Variants in RAB8A observed in about 807,000 individuals in gnomAD.
RAB8A encodes ras-related protein Rab-8A.
In RAB8A, 5 loss-of-function variants were observed where a neutral mutation model predicts 29.2. The observed-to-expected ratio is 0.17, with a 90% CI of 0.09 to 0.36. The LOEUF (loss-of-function observed/expected upper bound fraction) is 0.36. Among genes scored for constraint, RAB8A ranks in the 10% least tolerant of loss-of-function variants. The probability of loss-of-function intolerance (pLI) is 1.00; values close to 1 mark genes in which losing one functional copy is unlikely to be tolerated. For missense variants in RAB8A, 171 were observed against 272.2 expected, an observed-to-expected ratio of 0.63 and a Z score of 2.62; for synonymous variants, 108 against 99.9, an observed-to-expected ratio of 1.08 and a Z score of -0.49.
At chr19:16,112,126 G>C in intron 1 of RAB8A, 101 bp downstream of exon 1, 1 of 1,493,182 alleles carries the variant, frequency 6.7e-7, no homozygotes, top group Non-Finnish European at 9.0e-7. Context: ...CGGGCCGAGG[G>C]CGCTGAGAGG....
intron 7 of RAB8A, among the ~76,000 whole-genome samples, chr19:16,131,203 C>T (rs1487891951): frequency 1.3e-5 from 2 of 152,162 alleles, no homozygotes; most frequent in Non-Finnish European, 2.9e-5. Context: ...AGTTCTTCTG[C>T]CTCAGCCTCC....
At chr19:16,121,884 C>T (rs1192471348) in intron 3 of RAB8A, 74 bp downstream of exon 3, 20 of 1,426,212 alleles carry the variant, frequency 1.4e-5, no homozygotes, top group Middle Eastern at 4.2e-4. Context: ...CATTGGTTAC[C>T]GAAGCCTAGA....
intron 3 of RAB8A, chr19:16,124,986 T>C: frequency 4.9e-6 from 1 of 205,424 alleles, no homozygotes; most frequent in South Asian, 8.1e-5. Flanking sequence ...GTTGTGTGGA[T>C]GTCGGGTCAG....
At chr19:16,123,488 T>G (rs575094605) in intron 3 of RAB8A, among the ~76,000 whole-genome samples, 69 of 152,224 alleles carry the variant, frequency 4.5e-4, no homozygotes, top group African/African-American at 1.6e-3. Context: ...ATGCCTGTAA[T>G]CCCAGCTACT....
intron 1 of RAB8A, among the ~76,000 whole-genome samples, chr19:16,117,274 A>G (rs1198872351): frequency 6.6e-6 from 1 of 152,062 alleles, no homozygotes; most frequent in Non-Finnish European, 1.5e-5. Flanking sequence ...AGATCATTTG[A>G]GGTCAGGAGT....
chr19:16,121,820 TTTTG>T lies in RAB8A; in HGVS notation c.246+15_246+18del. 1 of 1,610,766 alleles carries T rather than the reference TTTTG, an allele frequency of 6.2e-7. No homozygotes were observed. On this transcript the variant is annotated intron_variant, in intron 3 of 7. Transcript: ENST00000300935. ...CTACAGGGGTGCAATGGTAGGGACT[TTTTG>T]TTTGGTTGTTTTTATCTGCTTTTTA...
rs1033159185 is a variant in RAB8A at position 16,131,974 on chromosome 19, TG to T, written c.532-236del. Among the ~76,000 whole-genome samples the T allele has an allele frequency of 4.0e-5, 6 of 151,118 alleles. No individual in the cohort carries two copies. The South Asian group carries it at 8.4e-4, about 21-fold the overall frequency. Reference sequence around the variant, plus strand: ...TTTGATGGCTGATTGGTTGGTTGGATGGCTGGAATGGTAATGGATGGATGAC... The same window carrying T: ...TTTGATGGCTGATTGGTTGGTTGGATGCTGGAATGGTAATGGATGGATGAC... On this transcript the variant is annotated intron_variant, in intron 7 of 7. Coordinates refer to ENST00000300935, the MANE Select transcript of RAB8A (RefSeq NM_005370.5).
In RAB8A at chr19:16,127,866, C is replaced by A; in HGVS notation, c.415-160C>A. ...CTGTGAGGCCCTGTGGAGGGGCATT[C>A]ACTATAGAATTGAGGGAGTGATCCA... On this transcript the variant is annotated intron_variant, in intron 5 of 7. Transcript: ENST00000300935. This position sits in a 1 kb window ranked among gnomAD's most constrained non-coding sequence, Gnocchi z 4.8. 1.4e-6 allele frequency: 1 copy of A among 725,990 alleles called. No individual in the cohort carries two copies. Among genetic ancestry groups the A allele is most frequent in the African/African-American group, 1.7e-5 (1 of 57,780 alleles). The allele number at this position is 725,990 out of a possible 1,614,324, so 45.0% of individuals were successfully genotyped here. A position where few individuals can be genotyped will look rare whatever the true frequency, so the allele number is the denominator to read the frequency against.
chr19:16,114,163 G>A (rs1223657450), intron 1 of RAB8A, among the ~76,000 whole-genome samples: 1 of 152,054 alleles, frequency 6.6e-6, no homozygotes, highest in East Asian at 1.9e-4. Context: ...CAGCCACTTG[G>A]GAGGCCAAGG....
intron 2 of RAB8A, among the ~76,000 whole-genome samples, chr19:16,119,626 C>T (rs1300638113): frequency 6.6e-6 from 1 of 151,998 alleles, no homozygotes; most frequent in African/African-American, 2.4e-5. Context: ...ATGGAAGTTT[C>T]TCCACTTCCA....
At chr19:16,112,516 C>T (rs116062293) in intron 1 of RAB8A, 1 of 163,174 alleles carries the variant, frequency 6.1e-6, no homozygotes, top group African/African-American at 2.4e-5. Flanking sequence ...GCCCGTCTGA[C>T]AAGATGAGGA....
intron 1 of RAB8A, among the ~76,000 whole-genome samples, chr19:16,115,279 C>T (rs2144983419): frequency 6.7e-6 from 1 of 149,870 alleles, no homozygotes; most frequent in South Asian, 2.1e-4. Flanking sequence ...CAGAGCAAAA[C>T]TCTGTCTCCA....
At chr19:16,114,329 T>G (rs1008714451) in intron 1 of RAB8A, among the ~76,000 whole-genome samples, 1 of 150,338 alleles carries the variant, frequency 6.7e-6, no homozygotes, top group African/African-American at 2.4e-5. Flanking sequence ...CAGACTGGCT[T>G]GCATTCACTC....
At chr19:16,118,497 G>A (rs1418968238) in intron 2 of RAB8A, among the ~76,000 whole-genome samples, 1 of 152,154 alleles carries the variant, frequency 6.6e-6, no homozygotes, top group Non-Finnish European at 1.5e-5. Flanking sequence ...AGGGCCTACA[G>A]CATCATAGGC....
rs777725095 is a variant in RAB8A, at chr19:16,132,543, C to T, written c.*239C>T. On this transcript the variant is annotated 3_prime_UTR_variant, in exon 8 of 8. Transcript: ENST00000300935. The surrounding 1 kb of genome is among the most constrained non-coding windows in gnomAD (Gnocchi z 5.6). ...TATTTTTCCTGTAACATCTGCTGAA[C>T]GGGCCCACCCACACGTTGTATATTC... is the stretch of plus-strand genomic sequence containing the variant. The T allele has an allele frequency of 1.3e-4, 67 of 526,984 alleles. No homozygotes were observed. The highest frequency in any genetic ancestry group is 1.5e-4 in the Non-Finnish European group (43 of 290,950). The allele number at this position is 526,984 out of a possible 1,614,324, so 32.6% of individuals were successfully genotyped here. A position where few individuals can be genotyped will look rare whatever the true frequency, so the allele number is the denominator to read the frequency against.
chr19:16,121,827 T>C lies in RAB8A; in HGVS notation c.246+17T>C. The C allele has an allele frequency of 6.2e-7, 1 of 1,608,412 alleles. No homozygotes were observed. Among genetic ancestry groups the C allele is most frequent in the African/African-American group, 1.3e-5 (1 of 74,902 alleles). On this transcript the variant is annotated intron_variant, in intron 3 of 7. Transcript: ENST00000300935. The stretch of plus-strand genomic sequence containing the variant: ...GGTGCAATGGTAGGGACTTTTTGTT[T>C]GGTTGTTTTTATCTGCTTTTTAAGT...
At chr19:16,121,254 C>G (rs1001501270) in intron 2 of RAB8A, among the ~76,000 whole-genome samples, 2 of 152,136 alleles carry the variant, frequency 1.3e-5, no homozygotes. Flanking sequence ...CACTAAGTAC[C>G]CTTCAAGCCA....
intron 2 of RAB8A, among the ~76,000 whole-genome samples, chr19:16,120,200 A>G (rs1447750584): frequency 6.6e-6 from 1 of 152,180 alleles, no homozygotes. Flanking sequence ...TGCACAATCC[A>G]GACGTATAGA....
chr19:16,112,145 G>A (rs2090826484), intron 1 of RAB8A, 120 bp downstream of exon 1: 3 of 1,393,990 alleles, frequency 2.2e-6, no homozygotes, highest in Non-Finnish European at 1.9e-6. Flanking sequence ...GGGTCGAGGG[G>A]GCCTAAAGGG....
Sources: gnomAD v4.1 joint callset for allele counts (sites outside exome capture counted in the v4.1 genomes callset) on GRCh38, gnomAD v4.1.1 for gene constraint, Gnocchi (gnomAD v3.1) non-coding constraint, MANE v1.5 for transcripts, NCBI Gene and HGNC (gene_info 2026-07-23, HGNC 2026-07-21) for gene names.